Variants in EYS observed in about 807,000 individuals in gnomAD.
The protein encoded by EYS is EGF-like photoreceptor maintenance factor, also known as protein eyes shut homolog.
EYS carries 250 observed loss-of-function variants against 282.1 expected under a neutral mutation model. That is an observed-to-expected ratio of 0.89 (90% CI 0.80 to 0.98). The LOEUF (loss-of-function observed/expected upper bound fraction) is 0.98. EYS is among the 50% of genes least tolerant of loss of function. The pLI is 0.00. For synonymous variants in EYS, 1,355 were observed against 1,282.9 expected (o/e 1.06, Z -1.20); for missense variants, 4,016 against 3,709.0 (o/e 1.08, Z -2.15).
At chr6:65,153,916 A>T (rs947942034) in intron 12 of EYS, among the ~76,000 whole-genome samples, 1 of 151,808 alleles carries the variant, frequency 6.6e-6, no homozygotes, top group African/African-American at 2.4e-5. Context: ...TAATAGATAC[A>T]TTATTATCAT....
intron 26 of EYS, among the ~76,000 whole-genome samples, chr6:64,493,574 C>T (rs1349117376): frequency 4.6e-5 from 7 of 151,452 alleles, no homozygotes; most frequent in Admixed American, 4.6e-4. Flanking sequence ...ATCAGTAGGT[C>T]CCCTTCAGTT....
chr6:65,341,000 A>C (rs1029626439), intron 10 of EYS, among the ~76,000 whole-genome samples: 6 of 151,056 alleles, frequency 4.0e-5, no homozygotes, highest in Admixed American at 1.3e-4. Context: ...CACAAATGTC[A>C]TGTTTCTGTT....
intron 2 of EYS, among the ~76,000 whole-genome samples, chr6:65,622,128 G>C (rs1476583060): frequency 6.6e-6 from 1 of 152,214 alleles, no homozygotes; most frequent in South Asian, 2.1e-4. Flanking sequence ...GAATGAGACA[G>C]AATCGTTTGT....
chr6:65,649,464 G>C, intron 1 of EYS, among the ~76,000 whole-genome samples: 1 of 151,894 alleles, frequency 6.6e-6, no homozygotes, highest in Non-Finnish European at 1.5e-5. Context: ...GAACCTTATT[G>C]TTTACTCTTC....
At chr6:64,830,630 C>A (rs1472236752) in intron 19 of EYS, among the ~76,000 whole-genome samples, 1 of 151,870 alleles carries the variant, frequency 6.6e-6, no homozygotes, top group Non-Finnish European at 1.5e-5. Flanking sequence ...CCAAGATCAA[C>A]TTTGGTGACA....
chr6:64,002,184 G>C (rs1768127858), intron 33 of EYS, among the ~76,000 whole-genome samples: 1 of 152,182 alleles, frequency 6.6e-6, no homozygotes, highest in Admixed American at 6.5e-5. Flanking sequence ...GCTGGGGGCT[G>C]TCAGAGAAGA....
At chr6:64,664,848 A>T (rs1363874059) in intron 22 of EYS, among the ~76,000 whole-genome samples, 1 of 152,164 alleles carries the variant, frequency 6.6e-6, no homozygotes, top group African/African-American at 2.4e-5. Context: ...ATGAGAAATA[A>T]ATTTTTGTTG....
intron 5 of EYS, among the ~76,000 whole-genome samples, chr6:65,482,228 C>T (rs73743906): frequency 1.3e-3 from 193 of 152,286 alleles, no homozygotes; most frequent in Middle Eastern, 6.8e-3. Context: ...AAACACCTGC[C>T]TATTCAATGC....
intron 26 of EYS, among the ~76,000 whole-genome samples, chr6:64,454,392 A>G (rs973226801): frequency 1.3e-4 from 20 of 152,240 alleles, no homozygotes; most frequent in Admixed American, 1.2e-3. Context: ...AAATATTGAA[A>G]TTAGCTACAT....
chr6:63,975,188 G>A (rs1453848670), intron 35 of EYS, among the ~76,000 whole-genome samples: 1 of 151,690 alleles, frequency 6.6e-6, no homozygotes. Flanking sequence ...TGTATAAATG[G>A]AAAAACACAA....
intron 26 of EYS, among the ~76,000 whole-genome samples, chr6:64,501,102 T>G (rs1777026207): frequency 6.6e-6 from 1 of 151,724 alleles, no homozygotes; most frequent in South Asian, 2.1e-4. Flanking sequence ...TTTTTAACTT[T>G]TTATTTACTA....
intron 41 of EYS, among the ~76,000 whole-genome samples, chr6:63,736,896 A>G (rs1768928383): frequency 6.6e-6 from 1 of 151,956 alleles, no homozygotes; most frequent in Admixed American, 6.6e-5. Context: ...TTTGTCTGTT[A>G]TTGGTGTATA....
intron 35 of EYS, among the ~76,000 whole-genome samples, chr6:63,956,654 T>TATAC (rs1765837926): frequency 6.6e-6 from 1 of 152,236 alleles, no homozygotes; most frequent in Non-Finnish European, 1.5e-5. Context: ...GATGTTTTGA[T>TATAC]ATACATACAT....
At chr6:64,277,606 A>G (rs1174172541) in intron 30 of EYS, among the ~76,000 whole-genome samples, 1 of 152,178 alleles carries the variant, frequency 6.6e-6, no homozygotes, top group African/African-American at 2.4e-5. Flanking sequence ...GAAAGAAAGT[A>G]TAATTATACA....
At chr6:64,792,434 T>C (rs754451197) in intron 22 of EYS, among the ~76,000 whole-genome samples, 4 of 151,998 alleles carry the variant, frequency 2.6e-5, no homozygotes, top group Non-Finnish European at 4.4e-5. Flanking sequence ...TTTATGATCA[T>C]AGGCTTGCAT....
At chr6:64,704,493 ATATAATACTTATAATAATATTATAAT>A (rs1393541870) in intron 22 of EYS, among the ~76,000 whole-genome samples, 4 of 12,588 alleles carry the variant, frequency 3.2e-4, no homozygotes, top group African/African-American at 6.4e-4. Flanking sequence ...TATAATTATA[ATATAATACTTATAATAATATTATAAT>A]TATAATACTT....
chr6:64,593,008 A>T lies in EYS; in HGVS notation c.3877+109T>A. 3 of 778,872 alleles carry T rather than the reference A, an allele frequency of 3.9e-6. No homozygotes were observed. In the South Asian group the frequency reaches 7.6e-5, roughly 20 times the overall value. 48.2% of individuals were successfully genotyped at this position (778,872 alleles called of 1,614,324 possible). A position where few individuals can be genotyped will look rare whatever the true frequency, so the allele number is the denominator to read the frequency against. On this transcript the variant is annotated intron_variant, in intron 25 of 42. Transcript: ENST00000503581. Reference sequence around the variant, plus strand: ...TAATGCTTAATTTTACACCCCTAAAAATCATGTATCTCAGAAAAAAAAAAG... The same window carrying T: ...TAATGCTTAATTTTACACCCCTAAATATCATGTATCTCAGAAAAAAAAAAG...
chr6:64,228,560 A>C (rs1050940619), intron 31 of EYS, among the ~76,000 whole-genome samples: 1 of 152,316 alleles, frequency 6.6e-6, no homozygotes, highest in African/African-American at 2.4e-5. Flanking sequence ...GAAATACTCT[A>C]TAGATTACTT....
intron 11 of EYS, among the ~76,000 whole-genome samples, chr6:65,306,439 CA>C (rs1769005888): frequency 1.3e-5 from 2 of 152,082 alleles, no homozygotes; most frequent in Non-Finnish European, 1.5e-5. Context: ...TTCTCCAAAG[CA>C]GGGGTAGAAT....
Sources: gnomAD v4.1 joint callset for allele counts (sites outside exome capture counted in the v4.1 genomes callset) on GRCh38, gnomAD v4.1.1 for gene constraint, MANE v1.5 for transcripts, NCBI Gene and HGNC (gene_info 2026-07-23, HGNC 2026-07-21) for gene names.